Variants in DLAT observed in about 807,000 individuals in gnomAD.
DLAT encodes the protein dihydrolipoyllysine-residue acetyltransferase component of pyruvate dehydrogenase complex, mitochondrial.
DLAT carries 43 observed loss-of-function variants against 68.0 expected under a neutral mutation model. The observed-to-expected ratio is 0.63, with a 90% CI of 0.50 to 0.81. The LOEUF (loss-of-function observed/expected upper bound fraction) is 0.81. Among genes scored for constraint, DLAT ranks in the 40% least tolerant of loss-of-function variants. DLAT has a pLI of 0.00. For synonymous variants in DLAT, 265 were observed against 288.6 expected (o/e 0.92, Z 0.83); for missense variants, 745 against 815.4 (o/e 0.91, Z 1.05).
intron 10 of DLAT, among the ~76,000 whole-genome samples, chr11:112,046,913 G>A (rs1259330710): frequency 6.6e-6 from 1 of 152,188 alleles, no homozygotes; most frequent in Non-Finnish European, 1.5e-5. Flanking sequence ...ATTGGGAACA[G>A]TGCTGCAGTA....
At chr11:112,047,597 G>A (rs797038876) in intron 10 of DLAT, among the ~76,000 whole-genome samples, 1 of 152,122 alleles carries the variant, frequency 6.6e-6, no homozygotes, top group Non-Finnish European at 1.5e-5. Flanking sequence ...TATGGTTTTA[G>A]GTCTTACGTT....
chr11:112,054,072 G>A (rs1863844439), intron 11 of DLAT, among the ~76,000 whole-genome samples: 1 of 151,752 alleles, frequency 6.6e-6, no homozygotes, highest in Non-Finnish European at 1.5e-5. Context: ...ACTTTGGGAG[G>A]CCAAGGCAGG....
At chr11:112,048,010 A>G (rs913761379) in intron 10 of DLAT, among the ~76,000 whole-genome samples, 1 of 152,154 alleles carries the variant, frequency 6.6e-6, no homozygotes, top group Admixed American at 6.5e-5. Flanking sequence ...AAGAAAGTCA[A>G]TGGTTGCTTG....
In DLAT at chr11:112,051,255, A is replaced by G. The variant is rs958480416; in HGVS notation, c.1420A>G (p.Ile474Val). Residue 474 changes from isoleucine (I) to valine (V), a missense_variant, in exon 11 of 14, where the codon ATT (isoleucine) becomes GTT (valine). Coordinates refer to ENST00000280346, the MANE Select transcript of DLAT (RefSeq NM_001931.5). The surrounding 1 kb of genome is among the most constrained non-coding windows in gnomAD (Gnocchi z 4.3). ...LNKILEGRSK[I>V]SVNDFIIKAS... Reference sequence around the variant, plus strand: ...CCAGATATTAGAAGGGAGAAGCAAAATTTCTGTCAATGACTTCATCATAAA... The same window carrying G: ...CCAGATATTAGAAGGGAGAAGCAAAGTTTCTGTCAATGACTTCATCATAAA... 2.5e-6 allele frequency: 4 copies of G among 1,612,474 alleles called. No homozygotes were observed. In the East Asian group the frequency reaches 8.9e-5, roughly 36 times the overall value.
rs371809583 is a variant in DLAT, at chr11:112,025,603, G to T, written c.131G>T (p.Arg44Leu). The change falls in exon 1 of 14, where the codon CGT (arginine) becomes CTT (leucine). Residue 44 changes from arginine to leucine, a missense_variant. Coordinates refer to ENST00000280346, the MANE Select transcript of DLAT (RefSeq NM_001931.5). ...TCGCGATCTGGCCCGGCTCCCGCTCGTCGCAACAGCGTGACTACAGGGTAT... is the reference window on the plus strand; with the variant it reads ...TCGCGATCTGGCCCGGCTCCCGCTCTTCGCAACAGCGTGACTACAGGGTAT... The part of the protein sequence containing the change: ...VTSRSGPAPA[R>L]RNSVTTGYGG... 11 of 1,613,838 alleles carry T rather than the reference G, an allele frequency of 6.8e-6. No individual in the cohort carries two copies. The African/African-American group carries it at 1.1e-4, about 16-fold the overall frequency.
chr11:112,042,856 G>A (rs782504576), intron 7 of DLAT, among the ~76,000 whole-genome samples: 5 of 152,304 alleles, frequency 3.3e-5, no homozygotes, highest in African/African-American at 7.2e-5. Flanking sequence ...ATGAGTCATA[G>A]AGACCACATA....
intron 2 of DLAT, among the ~76,000 whole-genome samples, chr11:112,027,905 G>A (rs1592657050): frequency 2.0e-5 from 3 of 150,236 alleles, no homozygotes; most frequent in Admixed American, 1.3e-4. Context: ...AGAGGGAGAG[G>A]GAGACCGTGG....
chr11:112,055,206 G>A (rs1555182364), intron 11 of DLAT, among the ~76,000 whole-genome samples: 1 of 147,400 alleles, frequency 6.8e-6, no homozygotes, highest in East Asian at 2.0e-4. Flanking sequence ...TTAAGGCATT[G>A]ACAGTCTTCC....
At chr11:112,062,029 C>G (rs1864663651) in intron 13 of DLAT, among the ~76,000 whole-genome samples, 1 of 152,130 alleles carries the variant, frequency 6.6e-6, no homozygotes, top group Non-Finnish European at 1.5e-5. Flanking sequence ...CTTATTTATT[C>G]TAGGTGAGGA....
chr11:112,031,946 A>G (rs1862428434), intron 4 of DLAT, among the ~76,000 whole-genome samples: 1 of 111,072 alleles, frequency 9.0e-6, no homozygotes, highest in South Asian at 3.2e-4. Flanking sequence ...CCATGGCTGG[A>G]GTGTAGTGGC....
intron 5 of DLAT, 39 bp from the exon 6 acceptor site, chr11:112,037,223 GGGATAGTGGAA>G: frequency 6.5e-7 from 1 of 1,538,962 alleles, no homozygotes; most frequent in Non-Finnish European, 9.0e-7. Flanking sequence ...TGAGTTTGGA[GGGATAGTGGAA>G]TCTCTTAAGT....
At chr11:112,049,335 C>T (rs782175570) in intron 10 of DLAT, among the ~76,000 whole-genome samples, 2 of 152,092 alleles carry the variant, frequency 1.3e-5, no homozygotes, top group African/African-American at 2.4e-5. Flanking sequence ...TGTTGCCATC[C>T]GAAGAATATA....
chr11:112,042,515 T>G (rs1194874458), intron 7 of DLAT, among the ~76,000 whole-genome samples: 1 of 152,240 alleles, frequency 6.6e-6, no homozygotes, highest in Non-Finnish European at 1.5e-5. Context: ...TGGGAAGAAC[T>G]ACACACAACA....
chr11:112,031,900 T>G (rs1449201283), intron 4 of DLAT, among the ~76,000 whole-genome samples: 99 of 127,812 alleles, frequency 7.7e-4, no homozygotes, highest in African/African-American at 2.6e-3. Flanking sequence ...TTTTTTTTTT[T>G]TTTTTTTTTT....
chr11:112,060,902 C>T, intron 12 of DLAT, 136 bp from the exon 13 acceptor site: 2 of 691,046 alleles, frequency 2.9e-6, no homozygotes, highest in Non-Finnish European at 4.8e-6. Flanking sequence ...TGTATATCTT[C>T]AGTAATGTGT....
chr11:112,051,284 TTC>T lies in DLAT; in HGVS notation c.1450_1451del (p.Ala485PhefsTer25). On this transcript the variant is annotated frameshift_variant, in exon 11 of 14. Transcript: ENST00000280346. LOFTEE classifies it high-confidence loss of function. The surrounding 1 kb of genome is among the most constrained non-coding windows in gnomAD (Gnocchi z 4.3). ...ISVNDFIIKA[S>X]ALACLKVPEA... ...CTGTCAATGACTTCATCATAAAAGC[TTC>T]AGCTTTGGCATGTTTAAAAGTTCCC... 6.2e-7 allele frequency: 1 copy of T among 1,613,626 alleles called. No individual in the cohort carries two copies. The highest frequency in any genetic ancestry group is 8.5e-7 in the Non-Finnish European group (1 of 1,179,974).
intron 11 of DLAT, among the ~76,000 whole-genome samples, chr11:112,058,145 T>C (rs1864222911): frequency 6.6e-6 from 1 of 152,252 alleles, no homozygotes; most frequent in Non-Finnish European, 1.5e-5. Context: ...TACTTGTTCA[T>C]ACACCCATTC....
At position 112,039,225 on chromosome 11, in the gene DLAT, T is replaced by G; in HGVS notation, c.976-19T>G. The G allele has an allele frequency of 6.2e-7, 1 of 1,613,858 alleles. No homozygotes were observed. The highest frequency in any genetic ancestry group is 8.5e-7 in the Non-Finnish European group (1 of 1,179,830). On this transcript the variant is annotated intron_variant, in intron 6 of 13. Coordinates refer to ENST00000280346, the MANE Select transcript of DLAT (RefSeq NM_001931.5). ...TTTGAAGTGGTGAATTAAAACAATT[T>G]GTAATTTTTTTTCAAAAGGTGGCCG...
rs781864107 is a variant in DLAT, at chr11:112,059,879, A to T, written c.1515-24A>T. The T allele has an allele frequency of 5.2e-6, 8 of 1,542,858 alleles. No individual in the cohort carries two copies. The African/African-American group carries it at 1.1e-4, about 21-fold the overall frequency. On this transcript the variant is annotated intron_variant, in intron 11 of 13. Transcript: ENST00000280346. ...GGCTCTTAATAAACAGTTTTTTATT[A>T]TATTTATTTTTCTTTTTAAACAGAA...
Sources: allele counts gnomAD v4.1 joint callset (sites outside exome capture counted in the v4.1 genomes callset), GRCh38; gene constraint gnomAD v4.1.1; non-coding constraint Gnocchi (gnomAD v3.1); transcripts MANE v1.5; gene names NCBI Gene and HGNC (gene_info 2026-07-23, HGNC 2026-07-21).